SLC35F2: variants seen among roughly 807,000 people sequenced by gnomAD.
SLC35F2 encodes solute carrier family 35 member F2.
A neutral mutation model predicts 38.1 loss-of-function variants in SLC35F2; 25 were observed. The ratio of observed to expected loss-of-function variants is 0.66; its 90% CI spans 0.48 to 0.92. The LOEUF (loss-of-function observed/expected upper bound fraction) is 0.92, where lower values mean the gene tolerates loss of function less well. Ranked by LOEUF, SLC35F2 falls within the 40% of genes least tolerant of loss-of-function variation. The pLI, the probability that SLC35F2 is intolerant of heterozygous loss-of-function variation, is 0.00. For missense variants in SLC35F2, 409 were observed against 452.9 expected (o/e 0.90, Z 0.88); for synonymous variants, 173 against 181.7 (o/e 0.95, Z 0.38).
intron 1 of SLC35F2, among the ~76,000 whole-genome samples, chr11:107,830,374 A>G (rs963414773): frequency 1.3e-5 from 2 of 152,072 alleles, no homozygotes; most frequent in Non-Finnish European, 2.9e-5. Context: ...TCACGAGGTC[A>G]AGAGATCGAG....
chr11:107,827,971 A>T (rs1186916588), intron 1 of SLC35F2, among the ~76,000 whole-genome samples: 4 of 152,218 alleles, frequency 2.6e-5, no homozygotes, highest in Middle Eastern at 6.3e-3. Flanking sequence ...CTTTTTGGAG[A>T]ACGGCTGATT....
At chr11:107,811,067 G>C in intron 3 of SLC35F2, 1 of 984,890 alleles carries the variant, frequency 1.0e-6, no homozygotes, top group Non-Finnish European at 1.2e-6. Flanking sequence ...CAGTAATGGT[G>C]AGTCAGTGTT....
chr11:107,854,691 A>C (rs1038811629), intron 1 of SLC35F2, among the ~76,000 whole-genome samples: 4 of 152,124 alleles, frequency 2.6e-5, no homozygotes, highest in African/African-American at 9.7e-5. Context: ...TCTGTACCCT[A>C]TGGGGGCAGG....
intron 7 of SLC35F2, 123 bp downstream of exon 7, chr11:107,802,878 C>A: frequency 1.1e-6 from 1 of 932,332 alleles, no homozygotes; most frequent in South Asian, 1.9e-5. Flanking sequence ...GGAGGCCTGA[C>A]CAATGAAATT....
At chr11:107,821,090 C>T (rs1859663536) in intron 1 of SLC35F2, among the ~76,000 whole-genome samples, 1 of 152,148 alleles carries the variant, frequency 6.6e-6, no homozygotes, top group Admixed American at 6.6e-5. Flanking sequence ...AGTTGGATGT[C>T]CAAAGTACCA....
In SLC35F2 at chr11:107,852,077, G is replaced by A. The variant is rs1015858782; in HGVS notation, c.110+6581C>T. On this transcript the variant is annotated intron_variant, in intron 1 of 7. Transcript: ENST00000525815. Reference sequence around the variant, plus strand: ...TGGAAGGCGGAAACCAAAATGAAAGGAGAAAGCACAGGTGTATCCCAGACC... The same window carrying A: ...TGGAAGGCGGAAACCAAAATGAAAGAAGAAAGCACAGGTGTATCCCAGACC... Among the ~76,000 whole-genome samples the A allele has an allele frequency of 1.3e-5, 2 of 152,078 alleles. 1 individual carries two copies. Among genetic ancestry groups the A allele is most frequent in the East Asian group, 3.8e-4 (2 of 5,200 alleles).
At chr11:107,830,021 G>T (rs1859811604) in intron 1 of SLC35F2, among the ~76,000 whole-genome samples, 1 of 151,910 alleles carries the variant, frequency 6.6e-6, no homozygotes, top group African/African-American at 2.4e-5. Context: ...AGCACGTTGG[G>T]AAGGCCAAGG....
At chr11:107,816,132 G>C (rs569638726) in intron 1 of SLC35F2, 167 bp from the exon 2 acceptor site, 1 of 985,034 alleles carries the variant, frequency 1.0e-6, no homozygotes, top group African/African-American at 1.7e-5. Flanking sequence ...GTTAGTTACT[G>C]AAGGACTACA....
chr11:107,819,606 C>T (rs1337143573), intron 1 of SLC35F2, among the ~76,000 whole-genome samples: 2 of 152,188 alleles, frequency 1.3e-5, no homozygotes, highest in African/African-American at 4.8e-5. Context: ...AAATTCACCA[C>T]TTAGTCCGGT....
chr11:107,857,931 G>A (rs1860319867), intron 1 of SLC35F2, among the ~76,000 whole-genome samples: 1 of 152,178 alleles, frequency 6.6e-6, no homozygotes, highest in African/African-American at 2.4e-5. Context: ...CAGAGCGAGT[G>A]CCCAATAAAT....
chr11:107,797,988 A>T lies in SLC35F2; in HGVS notation c.939+5013T>A, dbSNP rs199813001. 1.4e-4 allele frequency among the ~76,000 whole-genome samples: 15 copies of T among 111,044 alleles called. No homozygotes were observed. The South Asian group carries it at 1.7e-3, about 13-fold the overall frequency. 72.8% of individuals were successfully genotyped at this position (111,044 alleles called of 152,430 possible). A position where few individuals can be genotyped will look rare whatever the true frequency, so the allele number is the denominator to read the frequency against. Reference sequence around the variant, plus strand: ...TAAACTTTTTAAGTTGGTATTTTTTATTTTTTTTTGTTATTTTTATTTATT... The same window carrying T: ...TAAACTTTTTAAGTTGGTATTTTTTTTTTTTTTTTGTTATTTTTATTTATT... On this transcript the variant is annotated intron_variant, in intron 7 of 7. Coordinates refer to ENST00000525815, the MANE Select transcript of SLC35F2 (RefSeq NM_017515.5).
intron 1 of SLC35F2, among the ~76,000 whole-genome samples, chr11:107,852,577 A>C (rs1860204083): frequency 6.6e-6 from 1 of 150,986 alleles, no homozygotes; most frequent in African/African-American, 2.4e-5. Context: ...TACAAAATAC[A>C]AAATTAAACT....
intron 7 of SLC35F2, among the ~76,000 whole-genome samples, chr11:107,800,246 G>A (rs1859286667): frequency 6.6e-6 from 1 of 151,890 alleles, no homozygotes; most frequent in Non-Finnish European, 1.5e-5. Context: ...TCTTAGTTCA[G>A]GAATACCTTA....
chr11:107,795,999 T>C (rs1434745328), intron 7 of SLC35F2, among the ~76,000 whole-genome samples: 1 of 151,966 alleles, frequency 6.6e-6, no homozygotes, highest in Non-Finnish European at 1.5e-5. Context: ...CTGGGTGTGG[T>C]GGTGGCACCT....
intron 1 of SLC35F2, among the ~76,000 whole-genome samples, chr11:107,848,247 T>C (rs1455408464): frequency 6.6e-6 from 1 of 151,744 alleles, no homozygotes; most frequent in Non-Finnish European, 1.5e-5. Flanking sequence ...TTAAAAAAAG[T>C]ATTATGTTCA....
chr11:107,794,615 A>G (rs925767444), intron 7 of SLC35F2, among the ~76,000 whole-genome samples: 4 of 152,216 alleles, frequency 2.6e-5, no homozygotes, highest in Admixed American at 2.6e-4. Flanking sequence ...TGGGGAAAAT[A>G]TAAAAGCCTT....
At chr11:107,804,582 A>T (rs1859365347) in intron 6 of SLC35F2, 136 bp downstream of exon 6, 2 of 614,432 alleles carry the variant, frequency 3.3e-6, no homozygotes, top group Non-Finnish European at 5.5e-6. Flanking sequence ...AATGTAAACC[A>T]CTATAGTTGA....
At chr11:107,833,909 A>T (rs1377445898) in intron 1 of SLC35F2, among the ~76,000 whole-genome samples, 1 of 152,242 alleles carries the variant, frequency 6.6e-6, no homozygotes, top group African/African-American at 2.4e-5. Flanking sequence ...GAGATAAACA[A>T]TTTAAAAAGA....
chr11:107,828,431 C>A, intron 1 of SLC35F2, among the ~76,000 whole-genome samples: 1 of 130,190 alleles, frequency 7.7e-6, no homozygotes, highest in African/African-American at 3.5e-5. Context: ...GAAACTCCAT[C>A]TCAAAAAAAA....
Sources: gnomAD v4.1 joint callset for allele counts (sites outside exome capture counted in the v4.1 genomes callset) on GRCh38, gnomAD v4.1.1 for gene constraint, MANE v1.5 for transcripts, NCBI Gene and HGNC (gene_info 2026-07-23, HGNC 2026-07-21) for gene names.